Variants in CHRM3 observed in about 807,000 individuals in gnomAD.
The protein encoded by CHRM3 is cholinergic receptor muscarinic 3, also known as muscarinic acetylcholine receptor M3.
A neutral mutation model predicts 41.8 loss-of-function variants in CHRM3; 11 were observed. That is an observed-to-expected ratio of 0.26 (90% CI 0.17 to 0.44). CHRM3 has a LOEUF of 0.44. Ranked by LOEUF, CHRM3 falls within the 20% of genes least tolerant of loss-of-function variation. The pLI is 1.00. For missense variants in CHRM3, 571 were observed against 745.4 expected, an observed-to-expected ratio of 0.77 and a Z score of 2.72; for synonymous variants, 297 against 301.4, an observed-to-expected ratio of 0.99 and a Z score of 0.15.
intron 1 of CHRM3, among the ~76,000 whole-genome samples, chr1:239,465,709 T>C (rs985550020): frequency 2.6e-5 from 4 of 152,208 alleles, no homozygotes; most frequent in Admixed American, 1.3e-4. Flanking sequence ...ATCATATAAT[T>C]CCGAACTTTT....
chr1:239,766,143 G>A (rs505755), intron 5 of CHRM3, among the ~76,000 whole-genome samples: 111,198 of 151,776 alleles, frequency 0.73, 41,114 homozygotes, highest in African/African-American at 0.76. Context: ...ATAAAAATAA[G>A]TGCCAGATCT....
At chr1:239,417,482 A>G (rs1344662579) in intron 1 of CHRM3, among the ~76,000 whole-genome samples, 1 of 152,096 alleles carries the variant, frequency 6.6e-6, no homozygotes, top group East Asian at 1.9e-4. Flanking sequence ...ACAATAAATC[A>G]TAAGTGTGTG....
At chr1:239,899,381 A>G (rs186504653) in intron 6 of CHRM3, among the ~76,000 whole-genome samples, 1 of 149,498 alleles carries the variant, frequency 6.7e-6, no homozygotes, top group Non-Finnish European at 1.5e-5. Flanking sequence ...ATATACATAT[A>G]TAAACACATA....
intron 6 of CHRM3, among the ~76,000 whole-genome samples, chr1:239,896,634 T>C (rs1679027328): frequency 6.6e-6 from 1 of 152,212 alleles, no homozygotes; most frequent in Admixed American, 6.5e-5. Flanking sequence ...TTTCTGGGTC[T>C]GTATGATCTC....
At chr1:239,402,467 G>A (rs114848887) in intron 1 of CHRM3, among the ~76,000 whole-genome samples, 253 of 152,154 alleles carry the variant, frequency 1.7e-3, no homozygotes, top group Non-Finnish European at 3.2e-3. Flanking sequence ...GGATTTTACG[G>A]TTCTGTAACA....
At chr1:239,404,023 T>G (rs1363234187) in intron 1 of CHRM3, among the ~76,000 whole-genome samples, 1 of 84,996 alleles carries the variant, frequency 1.2e-5, no homozygotes, top group African/African-American at 3.8e-5. Context: ...GATACCTGGC[T>G]CGGTGGCTCA....
At chr1:239,486,216 A>G (rs1377834710) in intron 1 of CHRM3, among the ~76,000 whole-genome samples, 3 of 152,174 alleles carry the variant, frequency 2.0e-5, no homozygotes, top group Non-Finnish European at 4.4e-5. Context: ...CCCTCTAGCA[A>G]TATCTATAAA....
intron 5 of CHRM3, among the ~76,000 whole-genome samples, chr1:239,681,200 G>A (rs976702943): frequency 6.6e-6 from 1 of 152,064 alleles, no homozygotes; most frequent in Admixed American, 6.6e-5. Flanking sequence ...TTTTGGGTGG[G>A]GACACAGCCA....
chr1:239,553,443 A>G (rs540342540), intron 3 of CHRM3, among the ~76,000 whole-genome samples: 1 of 152,222 alleles, frequency 6.6e-6, no homozygotes, highest in Admixed American at 6.5e-5. Flanking sequence ...GGATACAAGC[A>G]GGAGACTTTC....
chr1:239,559,417 C>A (rs180960062), intron 3 of CHRM3, among the ~76,000 whole-genome samples: 4 of 152,256 alleles, frequency 2.6e-5, no homozygotes, highest in Admixed American at 2.0e-4. Context: ...TAACCTTGAC[C>A]ATATAAAACA....
chr1:239,756,322 A>T (rs1666239939), intron 5 of CHRM3, among the ~76,000 whole-genome samples: 1 of 152,212 alleles, frequency 6.6e-6, no homozygotes, highest in Admixed American at 6.5e-5. Flanking sequence ...AATAAAGAGG[A>T]CTTAAGAATT....
At chr1:239,442,775 A>G (rs535613811) in intron 1 of CHRM3, among the ~76,000 whole-genome samples, 33 of 152,344 alleles carry the variant, frequency 2.2e-4, no homozygotes, top group Admixed American at 9.8e-4. Context: ...GTCAACAGAT[A>G]CAAGAGGAGA....
At chr1:239,402,330 A>T (rs2102985231) in intron 1 of CHRM3, among the ~76,000 whole-genome samples, 1 of 152,134 alleles carries the variant, frequency 6.6e-6, no homozygotes, top group South Asian at 2.1e-4. Flanking sequence ...AATTTTCCTA[A>T]ACTGCACCAC....
intron 2 of CHRM3, among the ~76,000 whole-genome samples, chr1:239,519,459 A>C (rs1486231330): frequency 6.6e-6 from 1 of 152,164 alleles, no homozygotes; most frequent in Non-Finnish European, 1.5e-5. Flanking sequence ...TTATTTGATA[A>C]TAGAAATCTG....
chr1:239,433,459 A>T (rs1173248653), intron 1 of CHRM3, among the ~76,000 whole-genome samples: 1 of 151,954 alleles, frequency 6.6e-6, no homozygotes, highest in Admixed American at 6.6e-5. Context: ...AACATATGCA[A>T]TTTTCTTTTT....
At chr1:239,645,629 C>G (rs373184128) in intron 4 of CHRM3, among the ~76,000 whole-genome samples, 1 of 151,956 alleles carries the variant, frequency 6.6e-6, no homozygotes, top group Non-Finnish European at 1.5e-5. Flanking sequence ...ACAAACACAA[C>G]GCAGAAAAGC....
chr1:239,871,627 G>C (rs970571048), intron 6 of CHRM3, among the ~76,000 whole-genome samples: 1 of 152,092 alleles, frequency 6.6e-6, no homozygotes, highest in Admixed American at 6.5e-5. Context: ...TGAGTGACCT[G>C]TTTCTTCTTC....
At chr1:239,708,872 C>T (rs1134) in intron 5 of CHRM3, among the ~76,000 whole-genome samples, 51,168 of 147,500 alleles carry the variant, frequency 0.35, 10,318 homozygotes, top group Middle Eastern at 0.5. Context: ...CACCATGATT[C>T]AAATAAACTA....
At chr1:239,662,877 T>C (rs1255447353) in intron 4 of CHRM3, among the ~76,000 whole-genome samples, 17 of 28,442 alleles carry the variant, frequency 6.0e-4, no homozygotes, top group African/African-American at 2.1e-3. Flanking sequence ...TTCTCCTCTT[T>C]CTCCTCTTCC....
Sources: allele counts gnomAD v4.1 joint callset (sites outside exome capture counted in the v4.1 genomes callset), GRCh38; gene constraint gnomAD v4.1.1; transcripts MANE v1.5; gene names NCBI Gene and HGNC (gene_info 2026-07-23, HGNC 2026-07-21).